CLTRN: variants seen among roughly 807,000 people sequenced by gnomAD.
CLTRN encodes the protein collectrin, amino acid transport regulator.
CLTRN carries 12 observed loss-of-function variants against 14.5 expected under a neutral mutation model. The ratio of observed to expected loss-of-function variants is 0.83; its 90% confidence interval spans 0.53 to 1.34. The LOEUF (loss-of-function observed/expected upper bound fraction) is 1.34, where lower values mean the gene tolerates loss of function less well. Among genes scored for constraint, CLTRN ranks in the 40% most tolerant of loss-of-function variants. The pLI is 0.00. For synonymous variants in CLTRN, 58 were observed against 56.5 expected, an observed-to-expected ratio of 1.03 and a Z score of -0.12; for missense variants, 154 against 165.1, an observed-to-expected ratio of 0.93 and a Z score of 0.37.
At chrX:15,672,926 C>T (rs927235215) in intron 1 of CLTRN, among the ~76,000 whole-genome samples, 1 of 112,180 alleles carries the variant, frequency 8.9e-6, no homozygotes, top group Non-Finnish European at 1.9e-5. Context: ...GAAAGATTAT[C>T]TAAATGCTAC....
intron 3 of CLTRN, among the ~76,000 whole-genome samples, chrX:15,657,449 T>C (rs993774400): frequency 8.9e-6 from 1 of 112,690 alleles, no homozygotes; most frequent in South Asian, 3.6e-4. Context: ...AATTAAAATT[T>C]CCTAAGAATG....
At chrX:15,632,991 T>C (rs1352066058) in intron 5 of CLTRN, among the ~76,000 whole-genome samples, 1 of 110,012 alleles carries the variant, frequency 9.1e-6, no homozygotes, top group Admixed American at 9.7e-5. Context: ...ACAGAATCAA[T>C]TATCGGGGAA....
chrX:15,652,561 T>C (rs1929245151), intron 3 of CLTRN, among the ~76,000 whole-genome samples: 1 of 110,486 alleles, frequency 9.1e-6, no homozygotes, highest in Non-Finnish European at 1.9e-5. Flanking sequence ...TACCGCTAAG[T>C]TCATATACAA....
chrX:15,655,422 A>ATG (rs1929329412), intron 3 of CLTRN, among the ~76,000 whole-genome samples: 1 of 111,443 alleles, frequency 9.0e-6, no homozygotes, highest in Non-Finnish European at 1.9e-5. Context: ...CATGGGTGAC[A>ATG]CGCTGACTGA....
intron 1 of CLTRN, among the ~76,000 whole-genome samples, chrX:15,670,077 A>G (rs1440949935): frequency 9.1e-6 from 1 of 110,298 alleles, no homozygotes; most frequent in East Asian, 2.8e-4. Flanking sequence ...AGAGTTCAAG[A>G]CAGGCCTGGA....
intron 2 of CLTRN, 30 bp downstream of exon 2, chrX:15,664,307 T>C (rs749718354): frequency 8.8e-7 from 1 of 1,141,826 alleles, no homozygotes; most frequent in Admixed American, 2.5e-5. Flanking sequence ...CAAACAAAAT[T>C]TAAAAAGAAC....
Position 15,627,332 on chromosome X carries a change from G to A in CLTRN, c.*639C>T, listed in dbSNP as rs1248918833. The A allele has an allele frequency of 1.8e-5, 2 of 112,534 alleles. No individual in the cohort carries two copies. The highest frequency in any genetic ancestry group is 6.5e-5 in the African/African-American group (2 of 30,870). The allele number at this position is 112,534 out of a possible 1,213,427, so 9.3% of individuals were successfully genotyped here. ...ACAATCAGTCACACAATCAAAAAGAGATGATTATTACTTTATTAAGTTAGC... is the reference window on the plus strand; with the variant it reads ...ACAATCAGTCACACAATCAAAAAGAAATGATTATTACTTTATTAAGTTAGC... On this transcript the variant is annotated 3_prime_UTR_variant, in exon 6 of 6. Coordinates refer to ENST00000380342, the MANE Select transcript of CLTRN (RefSeq NM_020665.6).
intron 3 of CLTRN, chrX:15,646,418 G>C (rs951945983): frequency 3.2e-6 from 1 of 314,129 alleles, no homozygotes; most frequent in African/African-American, 2.7e-5. Context: ...GCAGCTACCT[G>C]AGCGGCTTCC....
intron 3 of CLTRN, among the ~76,000 whole-genome samples, chrX:15,653,281 T>G (rs1302750278): frequency 9.1e-6 from 1 of 110,105 alleles, no homozygotes; most frequent in Non-Finnish European, 1.9e-5. Context: ...ACACTTAGAT[T>G]CTGAAACAGG....
upstream of CLTRN, among the ~76,000 whole-genome samples, chrX:15,666,811 G>A (rs753498759): frequency 2.4e-4 from 27 of 111,966 alleles, no homozygotes; most frequent in South Asian, 0.01. Flanking sequence ...AATAAAGCCA[G>A]ACTAGATGAA....
chrX:15,657,719 C>T (rs1601734526), intron 3 of CLTRN, among the ~76,000 whole-genome samples: 2 of 110,922 alleles, frequency 1.8e-5, no homozygotes, highest in Admixed American at 1.9e-4. Flanking sequence ...TGAAAGAATG[C>T]TGCAGTTTAA....
intron 3 of CLTRN, among the ~76,000 whole-genome samples, chrX:15,657,888 A>G (rs1194752282): frequency 3.6e-5 from 4 of 112,068 alleles, no homozygotes; most frequent in African/African-American, 1.3e-4. Context: ...TGTATACACA[A>G]ATGTATATGT....
chrX:15,669,782 T>A (rs1929683403), upstream of CLTRN, among the ~76,000 whole-genome samples: 1 of 112,342 alleles, frequency 8.9e-6, no homozygotes, highest in Admixed American at 9.5e-5. Flanking sequence ...CTGGTTATTT[T>A]GTTTCATTAT....
At chrX:15,645,152 AC>A in intron 3 of CLTRN, 123 bp from the exon 4 acceptor site, 1 of 391,930 alleles carries the variant, frequency 2.6e-6, no homozygotes, top group Non-Finnish European at 4.5e-6. Flanking sequence ...AGTCATTTCT[AC>A]CATTATGAAG....
At chrX:15,659,574 T>C (rs187347499) in intron 2 of CLTRN, among the ~76,000 whole-genome samples, 2 of 111,918 alleles carry the variant, frequency 1.8e-5, no homozygotes, top group East Asian at 5.6e-4. Flanking sequence ...AAATTTCATG[T>C]TGAAGTCCTA....
At chrX:15,674,296 G>A (rs1391425556) in intron 1 of CLTRN, among the ~76,000 whole-genome samples, 1 of 111,903 alleles carries the variant, frequency 8.9e-6, no homozygotes, top group African/African-American at 3.3e-5. Flanking sequence ...GCAAACAGAG[G>A]TCTGAATGTG....
chrX:15,649,791 C>T (rs1395473658), intron 3 of CLTRN, among the ~76,000 whole-genome samples: 1 of 110,457 alleles, frequency 9.1e-6, no homozygotes, highest in Non-Finnish European at 1.9e-5. Flanking sequence ...TTCTAAATCC[C>T]TTCAAAAGTT....
intron 4 of CLTRN, among the ~76,000 whole-genome samples, chrX:15,641,838 G>A (rs950239962): frequency 2.7e-5 from 3 of 110,973 alleles, no homozygotes; most frequent in Non-Finnish European, 5.7e-5. Context: ...CTACGGTACC[G>A]GACAGTCCAA....
At chrX:15,639,896 A>G (rs903662184) in intron 4 of CLTRN, 140 bp from the exon 5 acceptor site, 7 of 604,572 alleles carry the variant, frequency 1.2e-5, no homozygotes, top group Non-Finnish European at 1.5e-5. Context: ...CAAGTTGACT[A>G]AAAAGTTTGC....
Sources: allele counts gnomAD v4.1 joint callset (sites outside exome capture counted in the v4.1 genomes callset), GRCh38; gene constraint gnomAD v4.1.1; transcripts MANE v1.5; gene names NCBI Gene and HGNC (gene_info 2026-07-23, HGNC 2026-07-21).